The following TTC23L variants were observed in gnomAD, a reference collection of about 807,000 sequenced individuals.
TTC23L encodes the protein tetratricopeptide repeat protein 23-like.
A neutral mutation model predicts 48.1 loss-of-function variants in TTC23L; 42 were observed. The observed-to-expected ratio is 0.87, with a 90% CI of 0.68 to 1.13. TTC23L has a LOEUF of 1.13. TTC23L is among the 50% of genes most tolerant of loss of function. The pLI is 0.00. For synonymous variants in TTC23L, 159 were observed against 157.2 expected, an observed-to-expected ratio of 1.01 and a Z score of -0.09; for missense variants, 391 against 421.0, an observed-to-expected ratio of 0.93 and a Z score of 0.62.
At chr5:34,903,165 T>TTTTC (rs909982498), downstream of TTC23L, among the ~76,000 whole-genome samples, 7 of 152,178 alleles carry the variant, frequency 4.6e-5, no homozygotes, top group African/African-American at 1.2e-4. Context: ...TGTTTAAAGT[T>TTTTC]TTTCTTTATT....
At chr5:34,918,754 T>A in the TTC23L span, 1 of 253,504 alleles carries the variant, frequency 3.9e-6, no homozygotes, top group Admixed American at 5.4e-5. Flanking sequence ...CTTCTGAAGG[T>A]CCTGAGATAG....
chr5:34,922,608 T>A, the TTC23L span: 81 of 1,597,398 alleles, frequency 5.1e-5, no homozygotes, highest in Non-Finnish European at 5.9e-5. Flanking sequence ...CTCAATAAAT[T>A]TTTTTAGATG....
chr5:34,840,875 C>G, intron 2 of TTC23L, 136 bp downstream of exon 2: 2 of 792,124 alleles, frequency 2.5e-6, no homozygotes, highest in Non-Finnish European at 2.2e-6. Flanking sequence ...GGTGAAACCC[C>G]GTCTCTACTA....
At chr5:34,842,773 A>G (rs1269345466) in intron 2 of TTC23L, among the ~76,000 whole-genome samples, 1 of 152,186 alleles carries the variant, frequency 6.6e-6, no homozygotes, top group Non-Finnish European at 1.5e-5. Flanking sequence ...CATGATAAAC[A>G]GTTTGCTGTT....
At chr5:34,901,322 G>A (rs1048762103), downstream of TTC23L, among the ~76,000 whole-genome samples, 7 of 152,156 alleles carry the variant, frequency 4.6e-5, no homozygotes, top group African/African-American at 1.7e-4. Context: ...ACTGTATTTG[G>A]AGGTGTTTTT....
intron 3 of TTC23L, among the ~76,000 whole-genome samples, chr5:34,848,366 G>A (rs897026774): frequency 6.6e-6 from 1 of 152,110 alleles, no homozygotes; most frequent in Non-Finnish European, 1.5e-5. Flanking sequence ...CTTTAACCTT[G>A]CTAATAAATG....
chr5:34,870,004 T>A (rs759371598), intron 8 of TTC23L, among the ~76,000 whole-genome samples: 2 of 152,122 alleles, frequency 1.3e-5, no homozygotes, highest in Non-Finnish European at 2.9e-5. Flanking sequence ...AAGAGTAGTC[T>A]TTGTGGTTAC....
intron 4 of TTC23L, among the ~76,000 whole-genome samples, chr5:34,857,580 C>G (rs1171048028): frequency 1.3e-5 from 2 of 151,978 alleles, no homozygotes; most frequent in African/African-American, 2.4e-5. Flanking sequence ...GTAAACAGTG[C>G]TATGAAAAAT....
downstream of TTC23L, chr5:34,902,370 T>G (rs531873832): frequency 5.5e-6 from 2 of 363,320 alleles, no homozygotes; most frequent in African/African-American, 2.1e-5. Flanking sequence ...GAGCCAAGAT[T>G]GTGCCATTGC....
At chr5:34,893,415 G>T (rs1049602104) in intron 9 of TTC23L, among the ~76,000 whole-genome samples, 13 of 152,162 alleles carry the variant, frequency 8.5e-5, no homozygotes. Flanking sequence ...TCAAAGAAAT[G>T]ATTCTGAAGC....
chr5:34,878,801 A>G (rs1302937678), intron 8 of TTC23L, among the ~76,000 whole-genome samples: 1 of 152,200 alleles, frequency 6.6e-6, no homozygotes, highest in African/African-American at 2.4e-5. Flanking sequence ...TCAAATAACT[A>G]AAAATAGAAT....
the TTC23L span, chr5:34,915,647 T>A: frequency 7.0e-7 from 1 of 1,425,366 alleles, no homozygotes; most frequent in Non-Finnish European, 9.3e-7. Context: ...ACCGCGGAGC[T>A]GAGCGCTTAG....
intron 3 of TTC23L, among the ~76,000 whole-genome samples, chr5:34,846,561 C>CAAA (rs1156709677): frequency 0.03 from 951 of 31,526 alleles, 170 homozygotes; most frequent in African/African-American, 0.1. Flanking sequence ...GACTCTGTCT[C>CAAA]AAAAAAAAAA....
intron 10 of TTC23L, among the ~76,000 whole-genome samples, chr5:34,898,292 A>C (rs772306925): frequency 5.3e-5 from 8 of 152,216 alleles, no homozygotes; most frequent in Non-Finnish European, 7.3e-5. Context: ...GCTGATGTGG[A>C]AAATATTTTG....
chr5:34,905,071 G>A, the TTC23L span, among the ~76,000 whole-genome samples: 5 of 152,116 alleles, frequency 3.3e-5, no homozygotes, highest in East Asian at 1.9e-4. Context: ...ACTTGAAACC[G>A]CTGCTTTTGG....
the TTC23L span, chr5:34,911,904 T>C: frequency 7.0e-7 from 1 of 1,429,894 alleles, no homozygotes. Context: ...TCAAGAATAA[T>C]TTATTCCGCC....
At chr5:34,858,706 G>C (rs1760327270) in intron 4 of TTC23L, among the ~76,000 whole-genome samples, 1 of 151,872 alleles carries the variant, frequency 6.6e-6, no homozygotes, top group South Asian at 2.1e-4. Context: ...GAGAAGTTTT[G>C]ATTTCCCCCT....
the TTC23L span, chr5:34,923,409 C>T: frequency 3.3e-6 from 2 of 597,228 alleles, no homozygotes; most frequent in Middle Eastern, 9.0e-4. Flanking sequence ...TCCTGAGTAG[C>T]TGGGATTACA....
At chr5:34,906,632 T>G in the TTC23L span, 1 of 152,066 alleles carries the variant, frequency 6.6e-6, no homozygotes, top group African/African-American at 2.4e-5. Context: ...GAGCAAGATC[T>G]TGTCTCCAAA....
Sources: allele counts gnomAD v4.1 joint callset (sites outside exome capture counted in the v4.1 genomes callset), GRCh38; gene constraint gnomAD v4.1.1; transcripts MANE v1.5; gene names NCBI Gene and HGNC (gene_info 2026-07-23, HGNC 2026-07-21).